Variants in JPH2 observed in about 807,000 individuals in gnomAD.
The protein encoded by JPH2 is junctophilin 2.
A neutral mutation model predicts 55.9 loss-of-function variants in JPH2; 38 were observed. The observed-to-expected ratio is 0.68, with a 90% CI of 0.52 to 0.89. JPH2 has a LOEUF of 0.89. JPH2 is among the 40% of genes least tolerant of loss of function. JPH2 has a pLI of 0.00. For synonymous variants in JPH2, 480 were observed against 472.4 expected (o/e 1.02, Z -0.21); for missense variants, 964 against 1,037.6 (o/e 0.93, Z 0.97).
intron 1 of JPH2, among the ~76,000 whole-genome samples, chr20:44,183,698 C>G (rs1041849335): frequency 9.2e-5 from 14 of 152,210 alleles, no homozygotes; most frequent in African/African-American, 3.1e-4. Context: ...TGAATGCCTT[C>G]TGATGCCAAA....
chr20:44,184,670 C>T (rs1039123777), intron 1 of JPH2, among the ~76,000 whole-genome samples: 5 of 152,206 alleles, frequency 3.3e-5, no homozygotes, highest in African/African-American at 9.7e-5. Context: ...TGCTCTGCCA[C>T]TCCACAGGGC....
chr20:44,157,495 T>C (rs570908343), intron 2 of JPH2, among the ~76,000 whole-genome samples: 127 of 152,228 alleles, frequency 8.3e-4, no homozygotes, highest in African/African-American at 2.7e-3. Context: ...ATCCAGAGGG[T>C]GCTCCCTGTA....
chr20:44,117,009 G>C (rs1330036711), intron 3 of JPH2, among the ~76,000 whole-genome samples: 1 of 152,204 alleles, frequency 6.6e-6, no homozygotes, highest in Non-Finnish European at 1.5e-5. Context: ...GGCTGGGCGC[G>C]GTGGCTCACG....
At chr20:44,174,176 C>T (rs974360591) in intron 1 of JPH2, among the ~76,000 whole-genome samples, 2 of 152,074 alleles carry the variant, frequency 1.3e-5, no homozygotes, top group Admixed American at 6.6e-5. Context: ...CTTCATTATA[C>T]GGGGAAGGAA....
At chr20:44,147,928 C>T (rs139951252) in intron 2 of JPH2, among the ~76,000 whole-genome samples, 498 of 152,154 alleles carry the variant, frequency 3.3e-3, no homozygotes, top group African/African-American at 5.7e-3. Flanking sequence ...TTTGGGAGGC[C>T]GAGGCGGGTG....
chr20:44,117,313 A>T (rs2072200450), intron 3 of JPH2, among the ~76,000 whole-genome samples: 1 of 152,150 alleles, frequency 6.6e-6, no homozygotes, highest in African/African-American at 2.4e-5. Context: ...CATCGCAGAG[A>T]ATCCCCATCT....
intron 1 of JPH2, among the ~76,000 whole-genome samples, chr20:44,164,037 A>T (rs1259578501): frequency 6.6e-6 from 1 of 152,244 alleles, no homozygotes; most frequent in African/African-American, 2.4e-5. Flanking sequence ...CCTCTATTTC[A>T]TAGGTAGGTT....
At chr20:44,165,578 C>G (rs745335169) in intron 1 of JPH2, among the ~76,000 whole-genome samples, 16 of 152,188 alleles carry the variant, frequency 1.1e-4, no homozygotes, top group Non-Finnish European at 1.8e-4. Context: ...ACTGACCCTT[C>G]TCACTCAGAA....
chr20:44,158,482 G>C (rs1843069), intron 2 of JPH2, among the ~76,000 whole-genome samples: 1 of 152,178 alleles, frequency 6.6e-6, no homozygotes, highest in African/African-American at 2.4e-5. Context: ...CTGCAAAACA[G>C]AAATAAACAC....
intron 2 of JPH2, among the ~76,000 whole-genome samples, chr20:44,141,684 ATTTTTG>A (rs1173053362): frequency 4.0e-5 from 6 of 151,478 alleles, no homozygotes; most frequent in African/African-American, 1.2e-4. Flanking sequence ...TTTTATTTTT[ATTTTTG>A]TAGAGACAGG....
chr20:44,127,517 G>A (rs1049868108), intron 2 of JPH2, among the ~76,000 whole-genome samples: 10 of 145,094 alleles, frequency 6.9e-5, no homozygotes, highest in Admixed American at 2.2e-4. Flanking sequence ...ACGGAGTCTC[G>A]CTCTGTCGCC....
chr20:44,132,399 C>CACACACACACACACACACACAG lies in JPH2; in HGVS notation c.1170-13777_1170-13776insCTGTGTGTGTGTGTGTGTGTGT, dbSNP rs71195518. Among the ~76,000 whole-genome samples the CACACACACACACACACACACAG allele has an allele frequency of 2.8e-4, 37 of 130,498 alleles. 1 individual carries two copies. The highest frequency in any genetic ancestry group is 1.5e-3 in the East Asian group (6 of 4,088). 85.6% of individuals were successfully genotyped at this position (130,498 alleles called of 152,430 possible). On this transcript the variant is annotated intron_variant, in intron 2 of 5. Transcript: ENST00000372980. ...ACACACACACACACACACACACACA[C>CACACACACACACACACACACAG]ACATTTGGGCTGGTTATTTTCCTTT...
At chr20:44,128,384 G>A (rs753331582) in intron 2 of JPH2, among the ~76,000 whole-genome samples, 25 of 152,212 alleles carry the variant, frequency 1.6e-4, no homozygotes, top group African/African-American at 3.9e-4. Context: ...GCTCATTCTC[G>A]TTATAATCAA....
intron 2 of JPH2, among the ~76,000 whole-genome samples, chr20:44,150,189 T>C (rs922106526): frequency 2.0e-5 from 3 of 146,720 alleles, no homozygotes; most frequent in Non-Finnish European, 4.5e-5. Flanking sequence ...ATCCAGAAGA[T>C]GTCATGTCAT....
At chr20:44,147,500 T>C (rs1196604699) in intron 2 of JPH2, among the ~76,000 whole-genome samples, 1 of 152,170 alleles carries the variant, frequency 6.6e-6, no homozygotes, top group Non-Finnish European at 1.5e-5. Flanking sequence ...TCCAGAACAT[T>C]ATGTAGGTAG....
In JPH2 at chr20:44,140,072, C is replaced by T. The variant is rs191574474; in HGVS notation, c.1169+19546G>A. ...ATTTTTAGTAGAGATGGGGTTTCAC[C>T]GTGTTAGGCAGGCTGGTCTCAATCT... On this transcript the variant is annotated intron_variant, in intron 2 of 5. Coordinates refer to ENST00000372980, the MANE Select transcript of JPH2 (RefSeq NM_020433.5). Among the ~76,000 whole-genome samples the T allele has an allele frequency of 3.3e-3, 495 of 152,264 alleles. 3 individuals are homozygous for T. Among genetic ancestry groups the T allele is most frequent in the African/African-American group, 0.012 (481 of 41,552 alleles).
chr20:44,150,295 G>A (rs1043884008), intron 2 of JPH2, among the ~76,000 whole-genome samples: 2 of 152,112 alleles, frequency 1.3e-5, no homozygotes, highest in African/African-American at 4.8e-5. Context: ...TAAAGTAGCA[G>A]CAAAAAGAAT....
intron 4 of JPH2, among the ~76,000 whole-genome samples, chr20:44,115,352 T>G (rs1167250557): frequency 6.6e-6 from 1 of 152,114 alleles, no homozygotes; most frequent in Non-Finnish European, 1.5e-5. Flanking sequence ...CCCCCCTGAC[T>G]GGGCAAATGG....
At position 44,186,647 on chromosome 20, in the gene JPH2, C is replaced by T; in HGVS notation, c.59G>A (p.Gly20Glu). The T allele has an allele frequency of 6.2e-7, 1 of 1,608,540 alleles. No individual in the cohort carries two copies. The highest frequency in any genetic ancestry group is 1.1e-5 in the South Asian group (1 of 91,082). The change falls in exon 1 of 6, where the codon GGG (glycine) becomes GAG (glutamate). Residue 20 changes from glycine to glutamate, a missense_variant. By Grantham distance (98) the Gly-to-Glu change is moderately conservative. Coordinates refer to ENST00000372980, the MANE Select transcript of JPH2 (RefSeq NM_020433.5). ...DGGAYCGGWEGGKAHGHGLCT... is the reference protein window; with the variant it reads ...DGGAYCGGWEEGKAHGHGLCT... ...CAGTCCATGCCCATGGGCCTTTCCC[C>T]CCTCCCAGCCCCCGCAGTACGCCCC...
Sources: allele counts gnomAD v4.1 joint callset (sites outside exome capture counted in the v4.1 genomes callset), GRCh38; gene constraint gnomAD v4.1.1; transcripts MANE v1.5; gene names NCBI Gene and HGNC (gene_info 2026-07-23, HGNC 2026-07-21).